VPS4A: variants seen among roughly 807,000 people sequenced by gnomAD.
VPS4A encodes the protein vacuolar protein sorting 4 homolog A.
In VPS4A, 20 loss-of-function variants were observed where a neutral mutation model predicts 52.3. The ratio of observed to expected loss-of-function variants is 0.38; its 90% CI spans 0.27 to 0.56. The LOEUF (loss-of-function observed/expected upper bound fraction) is 0.56. VPS4A is among the 20% of genes least tolerant of loss of function. VPS4A has a pLI of 0.72. For synonymous variants in VPS4A, 293 were observed against 227.7 expected, an observed-to-expected ratio of 1.29 and a Z score of -2.58; for missense variants, 419 against 575.9, an observed-to-expected ratio of 0.73 and a Z score of 2.79.
chr16:69,323,471 T>C (rs1294159196), intron 10 of VPS4A: 2 of 342,744 alleles, frequency 5.8e-6, no homozygotes, highest in East Asian at 8.5e-5. Context: ...TTATATTCTT[T>C]AGCAAGTAAA....
intron 1 of VPS4A, 118 bp downstream of exon 1, chr16:69,311,650 C>T (rs1302149210): frequency 9.6e-7 from 1 of 1,038,888 alleles, no homozygotes; most frequent in Non-Finnish European, 1.2e-6. Flanking sequence ...CCTCGCGACC[C>T]CGCTCCGGCC....
rs1236294232 is a variant in VPS4A at position 69,321,932 on chromosome 16, T to C, written c.1072-628T>C. The C allele has an allele frequency of 6.4e-6, 1 of 156,564 alleles. No homozygotes were observed. The highest frequency in any genetic ancestry group is 2.4e-5 in the African/African-American group (1 of 41,472). 9.7% of individuals were successfully genotyped at this position (156,564 alleles called of 1,614,324 possible). A position where few individuals can be genotyped will look rare whatever the true frequency, so the allele number is the denominator to read the frequency against. On this transcript the variant is annotated intron_variant, in intron 9 of 10. Coordinates refer to ENST00000254950, the MANE Select transcript of VPS4A (RefSeq NM_013245.3). This position sits in a 1 kb window ranked among gnomAD's most constrained non-coding sequence, Gnocchi z 4.5. ...GTTTTGCCAAGGCAGCGGACTTCAGTTGGAAAACCACTTTGTGTTAATCTA... is the reference window on the plus strand; with the variant it reads ...GTTTTGCCAAGGCAGCGGACTTCAGCTGGAAAACCACTTTGTGTTAATCTA...
In VPS4A at chr16:69,321,195, G is replaced by C. The variant is rs533675872; in HGVS notation, c.996G>C (p.Ala332=). The change falls in exon 9 of 11, where the codon GCG becomes GCC. Residue 332 remains alanine, a synonymous_variant. Coordinates refer to ENST00000254950, the MANE Select transcript of VPS4A (RefSeq NM_013245.3). This position sits in a 1 kb window ranked among gnomAD's most constrained non-coding sequence, Gnocchi z 4.5. The stretch of plus-strand genomic sequence containing the variant: ...GGAAGACGGAAGGCTACTCGGGCGC[G>C]GACATCAGCATCATCGTGCGGGACT... ...LARKTEGYSG[A]DISIIVRDSL... is the part of the protein sequence containing the mutation. The C allele has an allele frequency of 2.4e-5, 37 of 1,571,100 alleles. No individual in the cohort carries two copies. Among genetic ancestry groups the C allele is most frequent in the Non-Finnish European group, 3.0e-5 (35 of 1,158,916 alleles).
Position 69,319,433 on chromosome 16 carries a change from C to G in VPS4A, c.510C>G (p.Gly170=). 1 of 1,614,034 alleles carries G rather than the reference C, an allele frequency of 6.2e-7. No homozygotes were observed. The highest frequency in any genetic ancestry group is 1.1e-5 in the South Asian group (1 of 91,088). The stretch of plus-strand genomic sequence containing the variant: ...GGATTCTGCTGTTCGGACCCCCTGG[C>G]ACAGGGAAATCCTACCTGGCCAAAG... ...WRGILLFGPP[G]TGKSYLAKAV... The change falls in exon 6 of 11, where the codon GGC becomes GGG. Residue 170 remains glycine (G), a synonymous_variant. Coordinates refer to ENST00000254950, the MANE Select transcript of VPS4A (RefSeq NM_013245.3).
chr16:69,315,205 T>A (rs998826357), intron 1 of VPS4A, among the ~76,000 whole-genome samples: 2 of 151,972 alleles, frequency 1.3e-5, no homozygotes, highest in African/African-American at 2.4e-5. Context: ...TCTCAAAAAA[T>A]AATAATAATA....
intron 1 of VPS4A, 127 bp downstream of exon 1, chr16:69,311,659 CCG>C: frequency 1.0e-6 from 1 of 994,294 alleles, no homozygotes; most frequent in Non-Finnish European, 1.3e-6. Context: ...CCCGCTCCGG[CCG>C]CCCCCTCGCC....
At position 69,311,424 on chromosome 16, in the gene VPS4A, C is replaced by A. The variant is rs937681596; in HGVS notation, c.-88C>A. On this transcript the variant is annotated 5_prime_UTR_variant, in exon 1 of 11. Transcript: ENST00000254950. Reference sequence around the variant, plus strand: ...CGCTCAGCGCCCACCGCCGGGCTTCCCGCGCCGGACCCAGTACCTCGGCTC... The same window carrying A: ...CGCTCAGCGCCCACCGCCGGGCTTCACGCGCCGGACCCAGTACCTCGGCTC... 1 of 1,216,970 alleles carries A rather than the reference C, an allele frequency of 8.2e-7. No homozygotes were observed. Among genetic ancestry groups the A allele is most frequent in the South Asian group, 4.0e-5 (1 of 24,706 alleles). 75.4% of individuals were successfully genotyped at this position (1,216,970 alleles called of 1,614,324 possible).
chr16:69,320,098 G>A lies in VPS4A; in HGVS notation c.621-43G>A, dbSNP rs768141728. Reference sequence around the variant, plus strand: ...AAGTGCCGGGAGCCCAGGCGGGCACGGACGTGAACGTCTTGTCCTCACCCC... The same window carrying A: ...AAGTGCCGGGAGCCCAGGCGGGCACAGACGTGAACGTCTTGTCCTCACCCC... On this transcript the variant is annotated intron_variant, in intron 6 of 10. Coordinates refer to ENST00000254950, the MANE Select transcript of VPS4A (RefSeq NM_013245.3). The surrounding 1 kb of genome is among the most constrained non-coding windows in gnomAD (Gnocchi z 4.2). 49 of 1,583,980 alleles carry A rather than the reference G, an allele frequency of 3.1e-5. No homozygotes were observed. The highest frequency in any genetic ancestry group is 5.6e-5 in the South Asian group (5 of 89,110).
rs1479822301 is a variant in VPS4A, at chr16:69,322,664, C to T, written c.1176C>T (p.Val392=). The change falls in exon 10 of 11, where the codon GTC becomes GTT. Residue 392 remains valine (V), a synonymous_variant. Coordinates refer to ENST00000254950, the MANE Select transcript of VPS4A (RefSeq NM_013245.3). The part of the protein sequence containing the change: ...PGAMEMTWMD[V]PGDKLLEPVV... ...CCATGGAGATGACTTGGATGGATGTCCCTGGGGACAAACTCTTAGAGCCTG... is the reference window on the plus strand; with the variant it reads ...CCATGGAGATGACTTGGATGGATGTTCCTGGGGACAAACTCTTAGAGCCTG... The T allele has an allele frequency of 1.9e-6, 3 of 1,613,814 alleles. No individual in the cohort carries two copies. Among genetic ancestry groups the T allele is most frequent in the African/African-American group, 1.3e-5 (1 of 74,994 alleles).
At position 69,318,943 on chromosome 16, in the gene VPS4A, G is replaced by A; in HGVS notation, c.463+1G>A. ...ATCAAATTCCCACACTTGTTCACAG[G>A]TGAGAGTTGAGCCATTTCAAACCCC... is the stretch of plus-strand genomic sequence containing the variant. On this transcript the variant is annotated splice_donor_variant, in intron 5 of 10. Coordinates refer to ENST00000254950, the MANE Select transcript of VPS4A (RefSeq NM_013245.3). LOFTEE classifies it high-confidence loss of function. 6.2e-7 allele frequency: 1 copy of A among 1,612,598 alleles called. No homozygotes were observed. The highest frequency in any genetic ancestry group is 8.5e-7 in the Non-Finnish European group (1 of 1,179,606).
Position 69,320,417 on chromosome 16 carries a change from C to G in VPS4A, c.769+128C>G. 1 of 1,373,652 alleles carries G rather than the reference C, an allele frequency of 7.3e-7. No homozygotes were observed. The highest frequency in any genetic ancestry group is 9.9e-7 in the Non-Finnish European group (1 of 1,012,932). 85.1% of individuals were successfully genotyped at this position (1,373,652 alleles called of 1,614,324 possible). A position where few individuals can be genotyped will look rare whatever the true frequency, so the allele number is the denominator to read the frequency against. Reference sequence around the variant, plus strand: ...GAGGCACTCCCCAGCTCCAGCCCCTCAGGGCACGGGTGGACTTCAATTCCC... The same window carrying G: ...GAGGCACTCCCCAGCTCCAGCCCCTGAGGGCACGGGTGGACTTCAATTCCC... On this transcript the variant is annotated intron_variant, in intron 7 of 10. Coordinates refer to ENST00000254950, the MANE Select transcript of VPS4A (RefSeq NM_013245.3). This position sits in a 1 kb window ranked among gnomAD's most constrained non-coding sequence, Gnocchi z 4.2.
At chr16:69,313,284 G>A (rs916557831) in intron 1 of VPS4A, among the ~76,000 whole-genome samples, 3 of 151,624 alleles carry the variant, frequency 2.0e-5, no homozygotes, top group Admixed American at 1.3e-4. Flanking sequence ...TGTGCCCAGC[G>A]CAACTCACCC....
rs560449575 is a variant in VPS4A at position 69,318,506 on chromosome 16, ACTTG to A, written c.282-139_282-136del. ...GCATTGGCCCAAATGTCCCTGAAGT[ACTTG>A]CTTGAGTCACACGGCACTGTTAAGC... is the stretch of plus-strand genomic sequence containing the variant. On this transcript the variant is annotated intron_variant, in intron 3 of 10. Coordinates refer to ENST00000254950, the MANE Select transcript of VPS4A (RefSeq NM_013245.3). The A allele has an allele frequency of 1.6e-5, 13 of 837,408 alleles. No individual in the cohort carries two copies. The South Asian group carries it at 1.8e-4, about 12-fold the overall frequency. 51.9% of individuals were successfully genotyped at this position (837,408 alleles called of 1,614,324 possible).
chr16:69,318,468 T>G (rs902594781), intron 3 of VPS4A, among the ~76,000 whole-genome samples, 182 bp from the exon 4 acceptor site: 2 of 152,204 alleles, frequency 1.3e-5, no homozygotes, highest in African/African-American at 4.8e-5. Context: ...GGTCCTGAAG[T>G]GAGCTGCTGA....
chr16:69,320,569 T>C lies in VPS4A; in HGVS notation c.770-119T>C. On this transcript the variant is annotated intron_variant, in intron 7 of 10. Transcript: ENST00000254950. This position sits in a 1 kb window ranked among gnomAD's most constrained non-coding sequence, Gnocchi z 4.2. ...ATCTCACTTGGGACCCTGCCAGTGG[T>C]GGGTGGCACAGGGATGGCTTCAATT... is the stretch of plus-strand genomic sequence containing the variant. 1 of 917,424 alleles carries C rather than the reference T, an allele frequency of 1.1e-6. No individual in the cohort carries two copies. The highest frequency in any genetic ancestry group is 1.7e-6 in the Non-Finnish European group (1 of 599,676). 56.8% of individuals were successfully genotyped at this position (917,424 alleles called of 1,614,324 possible).
At chr16:69,311,878 GCTCGCTCCCTCCTCTCCTGT>G (rs1204038363) in intron 1 of VPS4A, among the ~76,000 whole-genome samples, 40 of 152,326 alleles carry the variant, frequency 2.6e-4, no homozygotes, top group African/African-American at 6.3e-4. Flanking sequence ...AGACAGCGAT[GCTCGCTCCCTCCTCTCCTGT>G]CTCGCTCCCT....
chr16:69,320,610 C>A lies in VPS4A; in HGVS notation c.770-78C>A. 1 of 1,288,174 alleles carries A rather than the reference C, an allele frequency of 7.8e-7. No homozygotes were observed. Among genetic ancestry groups the A allele is most frequent in the Non-Finnish European group, 1.1e-6 (1 of 921,034 alleles). 79.8% of individuals were successfully genotyped at this position (1,288,174 alleles called of 1,614,324 possible). On this transcript the variant is annotated intron_variant, in intron 7 of 10. Coordinates refer to ENST00000254950, the MANE Select transcript of VPS4A (RefSeq NM_013245.3). This position sits in a 1 kb window ranked among gnomAD's most constrained non-coding sequence, Gnocchi z 4.2. ...GGCTTCAATTGCTGACACACAAAGC[C>A]CCCGGGGTCTGTCCCCAGGTTTCAA...
At chr16:69,323,141 TAC>T (rs1330113375) in intron 10 of VPS4A, 2 of 162,532 alleles carry the variant, frequency 1.2e-5, no homozygotes, top group Non-Finnish European at 2.7e-5. Context: ...AAGCTGGCAT[TAC>T]ACTCACTGGG....
At chr16:69,318,768 G>T (rs1965470538) in intron 4 of VPS4A, 55 bp from the exon 5 acceptor site, 1 of 1,613,164 alleles carries the variant, frequency 6.2e-7, no homozygotes, top group South Asian at 1.1e-5. Flanking sequence ...TCCGCTGCTG[G>T]GTTGGCTCAT....
Sources: gnomAD v4.1 joint callset for allele counts (sites outside exome capture counted in the v4.1 genomes callset) on GRCh38, gnomAD v4.1.1 for gene constraint, Gnocchi (gnomAD v3.1) non-coding constraint, MANE v1.5 for transcripts, NCBI Gene and HGNC (gene_info 2026-07-23, HGNC 2026-07-21) for gene names.